Variants in RFX4 observed in about 807,000 individuals in gnomAD.
The protein encoded by RFX4 is transcription factor RFX4.
A neutral mutation model predicts 95.0 loss-of-function variants in RFX4; 10 were observed. The observed-to-expected ratio is 0.11, with a 90% CI of 0.06 to 0.18. The LOEUF (loss-of-function observed/expected upper bound fraction) is 0.18. RFX4 is among the 10% of genes least tolerant of loss of function. The pLI is 1.00. For synonymous variants in RFX4, 321 were observed against 340.7 expected, an observed-to-expected ratio of 0.94 and a Z score of 0.64; for missense variants, 640 against 922.0, an observed-to-expected ratio of 0.69 and a Z score of 3.96.
chr12:106,692,086 G>A (rs2041795713), intron 7 of RFX4, among the ~76,000 whole-genome samples: 1 of 151,876 alleles, frequency 6.6e-6, no homozygotes, highest in Non-Finnish European at 1.5e-5. Flanking sequence ...GAACCCAGGA[G>A]GCGGAGGTTG....
intron 3 of RFX4, among the ~76,000 whole-genome samples, chr12:106,640,814 TC>T: frequency 7.1e-6 from 1 of 140,578 alleles, no homozygotes; most frequent in South Asian, 2.4e-4. Context: ...GGAGTCTCAC[TC>T]TGTCGCCCAG....
Position 106,623,108 on chromosome 12 carries a change from G to A in RFX4, c.130+14225G>A, listed in dbSNP as rs151006530. On this transcript the variant is annotated intron_variant, in intron 2 of 17. Coordinates refer to ENST00000392842, the MANE Select transcript of RFX4 (RefSeq NM_213594.3). ...GGCTGGAGTGCAGTGGCATGAAATC[G>A]GCTCACTGCAAGCTCCGCCTCCCGG... 4.0e-3 allele frequency among the ~76,000 whole-genome samples: 577 copies of A among 144,828 alleles called. 1 individual carries two copies. Among genetic ancestry groups the A allele is most frequent in the Non-Finnish European group, 5.9e-3 (394 of 66,364 alleles).
chr12:106,628,475 C>T (rs2040348925), intron 2 of RFX4, among the ~76,000 whole-genome samples: 1 of 152,202 alleles, frequency 6.6e-6, no homozygotes, highest in Non-Finnish European at 1.5e-5. Context: ...GTTTTTGGCA[C>T]TCCAGGACCA....
At chr12:106,665,204 T>A (rs2041152349) in intron 4 of RFX4, among the ~76,000 whole-genome samples, 1 of 151,888 alleles carries the variant, frequency 6.6e-6, no homozygotes, top group Non-Finnish European at 1.5e-5. Context: ...TCATTGTGTC[T>A]TCTTGGAGAT....
chr12:106,756,455 C>A (rs547742439), intron 17 of RFX4, among the ~76,000 whole-genome samples: 1 of 152,284 alleles, frequency 6.6e-6, no homozygotes, highest in African/African-American at 2.4e-5. Flanking sequence ...AGCTAATCAC[C>A]CCCTCTCACA....
At chr12:106,747,968 G>T (rs1186039821) in intron 16 of RFX4, among the ~76,000 whole-genome samples, 6 of 151,600 alleles carry the variant, frequency 4.0e-5, no homozygotes, top group Non-Finnish European at 8.8e-5. Context: ...ATCTAAAGAG[G>T]GGTTTCCTTA....
At chr12:106,756,178 A>C (rs2043104760) in intron 17 of RFX4, among the ~76,000 whole-genome samples, 1 of 152,192 alleles carries the variant, frequency 6.6e-6, no homozygotes, top group Non-Finnish European at 1.5e-5. Context: ...AAACATTGCA[A>C]CTGTGCTGCA....
At chr12:106,742,480 G>T (rs1008784243) in intron 15 of RFX4, among the ~76,000 whole-genome samples, 2 of 152,084 alleles carry the variant, frequency 1.3e-5, no homozygotes, top group Non-Finnish European at 2.9e-5. Context: ...ACTGCGCCTC[G>T]CCAGCTTCTG....
intron 2 of RFX4, among the ~76,000 whole-genome samples, chr12:106,628,752 A>C (rs1185196887): frequency 6.7e-6 from 1 of 150,094 alleles, no homozygotes; most frequent in Non-Finnish European, 1.5e-5. Context: ...AAAAATTCAA[A>C]TATATGTTCC....
chr12:106,726,612 C>G (rs1362301259), intron 13 of RFX4, among the ~76,000 whole-genome samples: 1 of 152,158 alleles, frequency 6.6e-6, no homozygotes, highest in Non-Finnish European at 1.5e-5. Flanking sequence ...TATATTTTTA[C>G]CTAGAACTTA....
chr12:106,698,965 C>G (rs186799145), intron 8 of RFX4, among the ~76,000 whole-genome samples: 1 of 151,850 alleles, frequency 6.6e-6, no homozygotes, highest in Non-Finnish European at 1.5e-5. Context: ...GTTTATTTTG[C>G]TCTTCTTTTT....
chr12:106,650,951 G>C (rs1356363905), intron 3 of RFX4, among the ~76,000 whole-genome samples: 1 of 151,998 alleles, frequency 6.6e-6, no homozygotes, highest in East Asian at 1.9e-4. Flanking sequence ...CGACTCCTTT[G>C]AGTCTTTGTT....
At chr12:106,625,269 T>G (rs757983338) in intron 2 of RFX4, among the ~76,000 whole-genome samples, 7 of 152,168 alleles carry the variant, frequency 4.6e-5, no homozygotes, top group African/African-American at 9.7e-5. Context: ...AAAGATTGAT[T>G]CAGTTGATTC....
rs529139284 is a variant in RFX4 at position 106,603,167 on chromosome 12, G to A, written c.44-5630G>A. On this transcript the variant is annotated intron_variant, in intron 1 of 17. Coordinates refer to ENST00000392842, the MANE Select transcript of RFX4 (RefSeq NM_213594.3). ...GTGCTATAAACTTCAAGGATTACCT[G>A]GCTCTTGATAACCGTCTTAATAGGC... Among the ~76,000 whole-genome samples the A allele has an allele frequency of 3.3e-5, 5 of 152,202 alleles. No homozygotes were observed. In the East Asian group the frequency reaches 5.8e-4, roughly 18 times the overall value.
chr12:106,704,451 A>G (rs979708516), intron 8 of RFX4, among the ~76,000 whole-genome samples: 8 of 152,206 alleles, frequency 5.3e-5, no homozygotes, highest in Admixed American at 5.2e-4. Flanking sequence ...TCAGTTTTAT[A>G]TATTCATCCA....
rs1265621331 is a variant in RFX4, at chr12:106,609,013, A to T, written c.130+130A>T. ...CAAGACACTCTCTAGCTATTTATGA[A>T]ATATCCCAGGTCCTCTCTGTAATAT... On this transcript the variant is annotated intron_variant, in intron 2 of 17. Transcript: ENST00000392842. The T allele has an allele frequency of 4.2e-6, 3 of 716,950 alleles. No homozygotes were observed. In the Admixed American group the frequency reaches 8.1e-5, roughly 19 times the overall value. 44.4% of individuals were successfully genotyped at this position (716,950 alleles called of 1,614,324 possible).
At chr12:106,653,800 C>T (rs1301377400) in intron 3 of RFX4, among the ~76,000 whole-genome samples, 1 of 152,210 alleles carries the variant, frequency 6.6e-6, no homozygotes, top group Non-Finnish European at 1.5e-5. Context: ...CAAGGAGCTC[C>T]AAGATGTTGA....
At chr12:106,758,576 G>A (rs1418125142) in intron 17 of RFX4, among the ~76,000 whole-genome samples, 1 of 152,162 alleles carries the variant, frequency 6.6e-6, no homozygotes. Flanking sequence ...ACCTACATGA[G>A]CCAAGGCAAG....
At chr12:106,685,397 C>G (rs2041623221) in intron 5 of RFX4, among the ~76,000 whole-genome samples, 1 of 152,146 alleles carries the variant, frequency 6.6e-6, no homozygotes, top group African/African-American at 2.4e-5. Flanking sequence ...CTTAAATTCT[C>G]TGGGCCTTAG....
Sources: gnomAD v4.1 joint callset for allele counts (sites outside exome capture counted in the v4.1 genomes callset) on GRCh38, gnomAD v4.1.1 for gene constraint, MANE v1.5 for transcripts, NCBI Gene and HGNC (gene_info 2026-07-23, HGNC 2026-07-21) for gene names.